Variants in ACAD11 observed in about 807,000 individuals in gnomAD.
The protein encoded by ACAD11 is acyl-Coenzyme A dehydrogenase family, member 11.
A neutral mutation model predicts 102.2 loss-of-function variants in ACAD11; 83 were observed. That is an observed-to-expected ratio of 0.81 (90% CI 0.68 to 0.97). The LOEUF is 0.97. ACAD11 is among the 50% of genes least tolerant of loss of function. The pLI, the probability that ACAD11 is intolerant of heterozygous loss-of-function variation, is 0.00. For synonymous variants in ACAD11, 324 were observed against 319.8 expected (o/e 1.01, Z -0.14); for missense variants, 901 against 951.7 (o/e 0.95, Z 0.70).
At position 132,558,335 on chromosome 3, in the gene ACAD11, G is replaced by C. The variant is rs1020334526; in HGVS notation, c.*636C>G. ...CTCACAACAAACCCTCAGTGGGTCA[G>C]GGTCTTCTAAGATTAAAATGTTAAC... On this transcript the variant is annotated 3_prime_UTR_variant, in exon 20 of 20. Coordinates refer to ENST00000264990, the MANE Select transcript of ACAD11 (RefSeq NM_032169.5). 6.6e-6 allele frequency: 1 copy of C among 152,180 alleles called. No homozygotes were observed. Among genetic ancestry groups the C allele is most frequent in the Non-Finnish European group, 1.5e-5 (1 of 68,016 alleles). The allele number at this position is 152,180 out of a possible 1,614,324, so 9.4% of individuals were successfully genotyped here. A position where few individuals can be genotyped will look rare whatever the true frequency, so the allele number is the denominator to read the frequency against.
intron 1 of ACAD11, chr3:132,647,373 G>A (rs1940754104): frequency 6.6e-6 from 1 of 152,184 alleles, no homozygotes; most frequent in Non-Finnish European, 1.5e-5. Context: ...AGAGAAATGT[G>A]TTGATCTATA....
At chr3:132,608,614 C>A (rs1938965567) in intron 11 of ACAD11, among the ~76,000 whole-genome samples, 1 of 151,984 alleles carries the variant, frequency 6.6e-6, no homozygotes, top group South Asian at 2.1e-4. Flanking sequence ...ATATATGCAC[C>A]CAAAACAGGA....
rs760586343 is a variant in ACAD11, at chr3:132,642,132, C to G, written c.377G>C (p.Gly126Ala). ...AATTGTTAAATCACGGAAGATTCGACCCTATGGAAGTGATTACAACAGATT... is the reference window on the plus strand; with the variant it reads ...AATTGTTAAATCACGGAAGATTCGAGCCTATGGAAGTGATTACAACAGATT... The part of the protein sequence containing the change: ...TEFYVMEHVQ[G>A]RIFRDLTIPG... The change falls in exon 4 of 20, where the codon GGT (glycine) becomes GCT (alanine). Residue 126 changes from glycine to alanine, a missense_variant and splice_region_variant. Physicochemically the swap from Gly to Ala is moderately conservative, Grantham distance 60 (BLOSUM62 0). Coordinates refer to ENST00000264990, the MANE Select transcript of ACAD11 (RefSeq NM_032169.5). 6.2e-7 allele frequency: 1 copy of G among 1,613,056 alleles called. No individual in the cohort carries two copies. Among genetic ancestry groups the G allele is most frequent in the South Asian group, 1.1e-5 (1 of 90,962 alleles).
intron 17 of ACAD11, among the ~76,000 whole-genome samples, chr3:132,574,346 C>T (rs1216754975): frequency 6.6e-6 from 1 of 152,190 alleles, no homozygotes; most frequent in Non-Finnish European, 1.5e-5. Flanking sequence ...TTCTCACCTC[C>T]TCCCACAGTG....
chr3:132,641,550 A>ATGC (rs1940498737), intron 4 of ACAD11, among the ~76,000 whole-genome samples: 1 of 109,392 alleles, frequency 9.1e-6, no homozygotes, highest in Admixed American at 8.8e-5. Flanking sequence ...TCTCAAAATG[A>ATGC]TGATGATGAT....
At chr3:132,583,110 G>C (rs1048269996) in intron 13 of ACAD11, among the ~76,000 whole-genome samples, 12 of 152,140 alleles carry the variant, frequency 7.9e-5, no homozygotes, top group Non-Finnish European at 1.2e-4. Context: ...GATTGGAATA[G>C]TTTCAGGAGG....
At chr3:132,655,393 C>A (rs1368185184) in intron 1 of ACAD11, among the ~76,000 whole-genome samples, 1 of 152,182 alleles carries the variant, frequency 6.6e-6, no homozygotes, top group Non-Finnish European at 1.5e-5. Context: ...CATCTCAATT[C>A]AAAGTAAAAG....
intron 1 of ACAD11, among the ~76,000 whole-genome samples, chr3:132,647,641 C>T (rs1029567446): frequency 6.6e-6 from 1 of 152,188 alleles, no homozygotes; most frequent in African/African-American, 2.4e-5. Context: ...TACTCCATGC[C>T]CCCATTCCCC....
intron 9 of ACAD11, among the ~76,000 whole-genome samples, chr3:132,621,603 C>A (rs1167122230): frequency 6.6e-6 from 1 of 152,118 alleles, no homozygotes. Context: ...CACATTCACA[C>A]TAAAGGAACT....
chr3:132,583,766 T>C (rs1381357959), intron 13 of ACAD11, among the ~76,000 whole-genome samples: 1 of 152,188 alleles, frequency 6.6e-6, no homozygotes, highest in Non-Finnish European at 1.5e-5. Context: ...TTCTCGTTGG[T>C]TTCAAAGAAC....
At position 132,632,310 on chromosome 3, in the gene ACAD11, C is replaced by T. The variant is rs534920773; in HGVS notation, c.703-831G>A. ...CCATGTTCGCCAGGATGGTCTCGAC[C>T]TCCTGACCTCATGATCCGCCCGCCT... is the stretch of plus-strand genomic sequence containing the variant. On this transcript the variant is annotated intron_variant, in intron 5 of 19. Transcript: ENST00000264990. 2.6e-5 allele frequency among the ~76,000 whole-genome samples: 4 copies of T among 152,094 alleles called. 1 individual carries two copies. The highest frequency in any genetic ancestry group is 5.9e-5 in the Non-Finnish European group (4 of 68,022).
At chr3:132,637,846 T>A (rs1940331495) in intron 5 of ACAD11, among the ~76,000 whole-genome samples, 1 of 152,198 alleles carries the variant, frequency 6.6e-6, no homozygotes, top group South Asian at 2.1e-4. Context: ...TCATTTAAAA[T>A]TGTTTATTCT....
chr3:132,608,941 C>A (rs530579532), intron 11 of ACAD11, among the ~76,000 whole-genome samples: 1 of 152,304 alleles, frequency 6.6e-6, no homozygotes, highest in South Asian at 2.1e-4. Flanking sequence ...AACAAAAAGA[C>A]TCTCAGACCA....
intron 11 of ACAD11, among the ~76,000 whole-genome samples, chr3:132,611,086 C>T (rs570666045): frequency 1.2e-4 from 19 of 152,174 alleles, no homozygotes; most frequent in East Asian, 3.9e-4. Flanking sequence ...AATCAGTAAA[C>T]GTAATCCAGC....
rs56726095 is a variant in ACAD11 at position 132,579,479 on chromosome 3, A to T, written c.1688+13T>A. The T allele has an allele frequency of 2.5e-3, 4,035 of 1,607,632 alleles. 70 individuals carry two copies. The African/African-American group carries it at 0.047, about 19-fold the overall frequency. ...TTCCTACACAGGTTTCTCAATCAGA[A>T]TTGTTTAATTACCTGGAGAGAGAAG... On this transcript the variant is annotated intron_variant, in intron 14 of 19. Coordinates refer to ENST00000264990, the MANE Select transcript of ACAD11 (RefSeq NM_032169.5).
intron 11 of ACAD11, among the ~76,000 whole-genome samples, chr3:132,609,233 T>TAG (rs1392794649): frequency 6.6e-6 from 1 of 151,924 alleles, no homozygotes; most frequent in Non-Finnish European, 1.5e-5. Flanking sequence ...TTAAAAGAAC[T>TAG]AGAGAAGCAA....
chr3:132,591,807 C>A (rs10804610), intron 13 of ACAD11, among the ~76,000 whole-genome samples: 1 of 151,938 alleles, frequency 6.6e-6, no homozygotes, highest in Non-Finnish European at 1.5e-5. Context: ...GGCAGGACTG[C>A]TTGAGCCCCG....
chr3:132,582,694 A>C lies in ACAD11; in HGVS notation c.1622-3136T>G, dbSNP rs988613251. 9.2e-5 allele frequency among the ~76,000 whole-genome samples: 14 copies of C among 151,974 alleles called. 1 individual carries two copies. In the South Asian group the frequency reaches 1.0e-3, roughly 11 times the overall value. On this transcript the variant is annotated intron_variant, in intron 13 of 19. Transcript: ENST00000264990. ...ATGCTAAAACTGATTTAAAAAAAAA[A>C]CACCTAAAATAGATATTATCTGAGA...
intron 2 of ACAD11, 145 bp downstream of exon 2, chr3:132,644,652 T>C (rs1940650860): frequency 2.5e-6 from 1 of 400,230 alleles, no homozygotes; most frequent in Non-Finnish European, 4.4e-6. Context: ...AAAGATATAA[T>C]TCAAGGGAAA....
Sources: gnomAD v4.1 joint callset for allele counts (sites outside exome capture counted in the v4.1 genomes callset) on GRCh38, gnomAD v4.1.1 for gene constraint, MANE v1.5 for transcripts, NCBI Gene and HGNC (gene_info 2026-07-23, HGNC 2026-07-21) for gene names.